The following EYS variants were observed in gnomAD, a reference collection of about 807,000 sequenced individuals.
The protein encoded by EYS is EGF-like photoreceptor maintenance factor.
In EYS, 250 loss-of-function variants were observed where a neutral mutation model predicts 282.1. The observed-to-expected ratio is 0.89, with a 90% CI of 0.80 to 0.98. The LOEUF is 0.98. Among genes scored for constraint, EYS ranks in the 50% least tolerant of loss-of-function variants. The probability of loss-of-function intolerance (pLI) is 0.00; values close to 1 mark genes in which losing one functional copy is unlikely to be tolerated. For synonymous variants in EYS, 1,355 were observed against 1,282.9 expected (o/e 1.06, Z -1.20); for missense variants, 4,016 against 3,709.0 (o/e 1.08, Z -2.15).
intron 30 of EYS, among the ~76,000 whole-genome samples, chr6:64,241,519 G>A (rs750389088): frequency 1.1e-4 from 16 of 151,404 alleles, no homozygotes; most frequent in African/African-American, 1.9e-4. Context: ...TCTAGTTTGC[G>A]TAGTATTCTC....
intron 5 of EYS, among the ~76,000 whole-genome samples, chr6:65,451,613 C>T (rs1032163681): frequency 1.3e-5 from 2 of 151,922 alleles, no homozygotes; most frequent in Admixed American, 6.6e-5. Context: ...ACTCACATAA[C>T]TTGGATTTGT....
At chr6:64,349,046 G>A (rs944348864) in intron 29 of EYS, among the ~76,000 whole-genome samples, 2 of 151,180 alleles carry the variant, frequency 1.3e-5, no homozygotes, top group Non-Finnish European at 3.0e-5. Flanking sequence ...TGTCTTGTTT[G>A]CTTTTGATCT....
intron 2 of EYS, among the ~76,000 whole-genome samples, chr6:65,599,583 C>T (rs375826965): frequency 1.3e-5 from 2 of 151,932 alleles, no homozygotes; most frequent in East Asian, 3.9e-4. Flanking sequence ...GCTCTTATTA[C>T]TAGATGTTCA....
At chr6:64,120,157 C>T (rs934877567) in intron 31 of EYS, among the ~76,000 whole-genome samples, 33 of 150,930 alleles carry the variant, frequency 2.2e-4, no homozygotes, top group African/African-American at 8.0e-4. Context: ...ACCATCCTGG[C>T]TAGCACGGTG....
chr6:64,047,657 G>A (rs1254431862), intron 33 of EYS, among the ~76,000 whole-genome samples: 1 of 152,198 alleles, frequency 6.6e-6, no homozygotes, highest in Non-Finnish European at 1.5e-5. Context: ...TAAGCACCAT[G>A]TGAGTTCCCT....
chr6:65,117,067 G>A (rs1013173061), intron 12 of EYS, among the ~76,000 whole-genome samples: 12 of 152,154 alleles, frequency 7.9e-5, no homozygotes, highest in Non-Finnish European at 1.3e-4. Context: ...TAGGTGATAT[G>A]AATCACTTTC....
chr6:64,980,397 A>T (rs886318671), intron 14 of EYS, among the ~76,000 whole-genome samples: 1 of 151,488 alleles, frequency 6.6e-6, no homozygotes, highest in African/African-American at 2.4e-5. Context: ...ATTTTAAATT[A>T]GTCTGTAGCC....
intron 13 of EYS, among the ~76,000 whole-genome samples, chr6:65,019,813 T>G (rs1772189947): frequency 6.6e-6 from 1 of 152,136 alleles, no homozygotes; most frequent in South Asian, 2.1e-4. Flanking sequence ...GGAAAGAGGA[T>G]TAATTGATTC....
intron 22 of EYS, among the ~76,000 whole-genome samples, chr6:64,657,554 T>G (rs1349946810): frequency 6.6e-6 from 1 of 152,168 alleles, no homozygotes; most frequent in Non-Finnish European, 1.5e-5. Flanking sequence ...GGCCTGGTGG[T>G]GAGAAAATAT....
At chr6:64,602,987 T>C (rs1027888578) in intron 24 of EYS, among the ~76,000 whole-genome samples, 4 of 151,952 alleles carry the variant, frequency 2.6e-5, no homozygotes, top group African/African-American at 9.7e-5. Context: ...TGCAAGCTGG[T>C]AGAAGAATAG....
intron 5 of EYS, among the ~76,000 whole-genome samples, chr6:65,483,649 A>G (rs778643464): frequency 1.8e-4 from 28 of 152,204 alleles, no homozygotes; most frequent in Non-Finnish European, 3.7e-4. Context: ...AGAAACCCAT[A>G]ATAAAATATT....
intron 5 of EYS, among the ~76,000 whole-genome samples, chr6:65,467,857 C>G (rs570138353): frequency 6.6e-6 from 1 of 151,676 alleles, no homozygotes; most frequent in African/African-American, 2.4e-5. Flanking sequence ...TTGATTATAG[C>G]TTTTCTTTTG....
At chr6:64,803,656 A>G (rs1164386248) in intron 22 of EYS, among the ~76,000 whole-genome samples, 2 of 152,172 alleles carry the variant, frequency 1.3e-5, no homozygotes, top group Non-Finnish European at 2.9e-5. Flanking sequence ...GCAGGTCCAT[A>G]GGGAGCTACC....
chr6:64,530,576 T>C (rs1764296040), intron 26 of EYS, among the ~76,000 whole-genome samples: 1 of 152,092 alleles, frequency 6.6e-6, no homozygotes, highest in Non-Finnish European at 1.5e-5. Context: ...GATATTACTG[T>C]GAGGTTTTCT....
intron 31 of EYS, among the ~76,000 whole-genome samples, chr6:64,143,744 C>G (rs1363587775): frequency 1.3e-5 from 2 of 152,216 alleles, no homozygotes; most frequent in Non-Finnish European, 2.9e-5. Flanking sequence ...GGACCACAGT[C>G]TCTTTATTCC....
intron 31 of EYS, among the ~76,000 whole-genome samples, chr6:64,144,547 T>A (rs1367907202): frequency 6.6e-6 from 1 of 152,178 alleles, no homozygotes; most frequent in Non-Finnish European, 1.5e-5. Context: ...TCTGGGACCT[T>A]TGCTGGGAAC....
At chr6:65,326,007 C>T (rs868261749) in intron 11 of EYS, among the ~76,000 whole-genome samples, 30 of 152,000 alleles carry the variant, frequency 2.0e-4, no homozygotes, top group Middle Eastern at 3.4e-3. Flanking sequence ...CTCTTTGTTC[C>T]CTTTGATCAT....
chr6:63,846,534 G>A (rs1772102303), intron 36 of EYS, among the ~76,000 whole-genome samples: 1 of 152,218 alleles, frequency 6.6e-6, no homozygotes, highest in Non-Finnish European at 1.5e-5. Flanking sequence ...ATTACAAAAT[G>A]TCATTGTTGA....
chr6:63,777,792 T>C, intron 40 of EYS: 1 of 490,554 alleles, frequency 2.0e-6, no homozygotes. Context: ...TTCACTGTCA[T>C]TGTTTCACAG....
Sources: gnomAD v4.1 joint callset for allele counts (sites outside exome capture counted in the v4.1 genomes callset) on GRCh38, gnomAD v4.1.1 for gene constraint, MANE v1.5 for transcripts, NCBI Gene and HGNC (gene_info 2026-07-23, HGNC 2026-07-21) for gene names.